The following ARFIP1 variants were observed in gnomAD, a reference collection of about 807,000 sequenced individuals.
The protein encoded by ARFIP1 is arfaptin-1.
Under a neutral mutation model 42.5 loss-of-function variants are expected in ARFIP1, and 24 were observed. That is an observed-to-expected ratio of 0.57 (90% CI 0.41 to 0.80). The LOEUF (loss-of-function observed/expected upper bound fraction) is 0.80. Ranked by LOEUF, ARFIP1 falls within the 30% of genes least tolerant of loss-of-function variation. The pLI, the probability that ARFIP1 is intolerant of heterozygous loss-of-function variation, is 0.00. For missense variants in ARFIP1, 354 were observed against 434.0 expected (o/e 0.82, Z 1.64); for synonymous variants, 141 against 153.7 (o/e 0.92, Z 0.61).
rs1178397930 is a variant in ARFIP1 at position 152,910,516 on chromosome 4, C to A, written c.*297C>A. ...TGAAAACATCTAATAGAGATTTGCA[C>A]TGACAAGATAAAAATTCAAGGTTTT... is the stretch of plus-strand genomic sequence containing the variant. On this transcript the variant is annotated 3_prime_UTR_variant, in exon 9 of 9. Coordinates refer to ENST00000353617, the MANE Select transcript of ARFIP1 (RefSeq NM_001025595.3). The A allele has an allele frequency of 4.9e-6, 1 of 205,298 alleles. No individual in the cohort carries two copies. Among genetic ancestry groups the A allele is most frequent in the Non-Finnish European group, 9.6e-6 (1 of 103,640 alleles). The allele number at this position is 205,298 out of a possible 1,614,324, so 12.7% of individuals were successfully genotyped here.
chr4:152,822,619 C>T (rs1730479611), intron 1 of ARFIP1, among the ~76,000 whole-genome samples: 1 of 152,206 alleles, frequency 6.6e-6, no homozygotes, highest in South Asian at 2.1e-4. Flanking sequence ...ACATGATTCT[C>T]ATCAGCACAC....
At chr4:152,780,530 G>C (rs1023028522) in intron 1 of ARFIP1, among the ~76,000 whole-genome samples, 2 of 152,144 alleles carry the variant, frequency 1.3e-5, no homozygotes, top group African/African-American at 4.8e-5. Flanking sequence ...TCCAGAATCC[G>C]GACCTTTCTT....
At chr4:152,824,531 A>C (rs942686465) in intron 1 of ARFIP1, among the ~76,000 whole-genome samples, 1 of 152,324 alleles carries the variant, frequency 6.6e-6, no homozygotes, top group South Asian at 2.1e-4. Flanking sequence ...TAGGCATAGA[A>C]GGAACATACC....
intron 2 of ARFIP1, among the ~76,000 whole-genome samples, chr4:152,835,293 G>A (rs1352885753): frequency 6.6e-6 from 1 of 152,130 alleles, no homozygotes; most frequent in Non-Finnish European, 1.5e-5. Context: ...CCAATCTTAG[G>A]CTGTTAGAGG....
At position 152,829,661 on chromosome 4, in the gene ARFIP1, G is replaced by A. The variant is rs1157174369; in HGVS notation, c.28G>A (p.Ala10Thr). 6.2e-7 allele frequency: 1 copy of A among 1,611,916 alleles called. No individual in the cohort carries two copies. Among genetic ancestry groups the A allele is most frequent in the Admixed American group, 1.7e-5 (1 of 59,922 alleles). The change falls in exon 2 of 9, where the codon GCA becomes ACA. Residue 10 changes from alanine to threonine, a missense_variant. Physicochemically the swap from Ala to Thr is moderately conservative, Grantham distance 58. Coordinates refer to ENST00000353617, the MANE Select transcript of ARFIP1 (RefSeq NM_001025595.3). The stretch of plus-strand genomic sequence containing the variant: ...GGCTCAAGAATCTCCCAAAAATTCA[G>A]CAGCAGAAATTCCAGTGACTAGTAA... Reference protein sequence around the residue: MAQESPKNSAAEIPVTSNGE... With the variant: MAQESPKNSTAEIPVTSNGE...
chr4:152,905,546 T>TTTTTTTTTTTTG (rs1738260993), intron 8 of ARFIP1, among the ~76,000 whole-genome samples: 1 of 79,568 alleles, frequency 1.3e-5, no homozygotes, highest in Non-Finnish European at 2.5e-5. Context: ...GTAAGAATTG[T>TTTTTTTTTTTTG]TTTTTTTTTT....
intron 8 of ARFIP1, among the ~76,000 whole-genome samples, chr4:152,897,475 G>A (rs936821740): frequency 6.6e-6 from 1 of 152,080 alleles, no homozygotes; most frequent in African/African-American, 2.4e-5. Flanking sequence ...CAATCATAAG[G>A]TACTTACATA....
chr4:152,799,965 TTGA>T (rs1471674497), intron 1 of ARFIP1, among the ~76,000 whole-genome samples: 2 of 152,174 alleles, frequency 1.3e-5, no homozygotes, highest in African/African-American at 2.4e-5. Flanking sequence ...TGCCAAGCAA[TTGA>T]TTGTTCATAC....
In ARFIP1 at chr4:152,872,535, G is replaced by T; in HGVS notation, c.382G>T (p.Val128Phe). ...KNPAMEKLEL[V>F]RKWSLNTYKC... is the part of the protein sequence containing the mutation. ...TCCTGCAATGGAAAAGTTAGAACTTGTTAGAAAATGGAGTCTAAACACCTA... is the reference window on the plus strand; with the variant it reads ...TCCTGCAATGGAAAAGTTAGAACTTTTTAGAAAATGGAGTCTAAACACCTA... Residue 128 changes from valine to phenylalanine, a missense_variant, in exon 5 of 9, where the codon GTT becomes TTT. Transcript: ENST00000353617. The T allele has an allele frequency of 6.2e-7, 1 of 1,607,388 alleles. No homozygotes were observed. Among genetic ancestry groups the T allele is most frequent in the Non-Finnish European group, 8.5e-7 (1 of 1,175,760 alleles).
Position 152,863,626 on chromosome 4 carries a change from A to G in ARFIP1, c.114A>G (p.Pro38=), listed in dbSNP as rs1241016017. ...SFNRDLKHSL[P]SGLGLSETQI... ...CTAAGGATTTGAAGCATTCATTACCATCTGGACTTGGTCTCTCAGAAACCC... is the reference window on the plus strand; with the variant it reads ...CTAAGGATTTGAAGCATTCATTACCGTCTGGACTTGGTCTCTCAGAAACCC... Residue 38 remains proline, a synonymous_variant, in exon 3 of 9, where the codon CCA becomes CCG. Transcript: ENST00000353617. 3.1e-6 allele frequency: 5 copies of G among 1,603,318 alleles called. No individual in the cohort carries two copies. The highest frequency in any genetic ancestry group is 1.1e-5 in the South Asian group (1 of 90,746).
intron 1 of ARFIP1, among the ~76,000 whole-genome samples, chr4:152,803,122 CT>C (rs1728553351): frequency 1.3e-5 from 2 of 152,044 alleles, no homozygotes; most frequent in Non-Finnish European, 2.9e-5. Context: ...GAGGGGGAGA[CT>C]ATGGTATGAG....
At chr4:152,808,207 C>T (rs1228157646) in intron 1 of ARFIP1, among the ~76,000 whole-genome samples, 2 of 149,700 alleles carry the variant, frequency 1.3e-5, no homozygotes, top group African/African-American at 4.9e-5. Context: ...CTTGAACTCC[C>T]GACCTCAGGT....
intron 2 of ARFIP1, among the ~76,000 whole-genome samples, chr4:152,849,048 A>G (rs896723457): frequency 1.3e-5 from 2 of 152,220 alleles, no homozygotes; most frequent in African/African-American, 4.8e-5. Context: ...ATACAAATCT[A>G]GATTCATTTT....
intron 2 of ARFIP1, among the ~76,000 whole-genome samples, chr4:152,862,126 C>T (rs1267840516): frequency 6.6e-6 from 1 of 152,152 alleles, no homozygotes; most frequent in Non-Finnish European, 1.5e-5. Flanking sequence ...CCATGGTAGC[C>T]TAGTTGCTGG....
At chr4:152,841,703 C>T (rs924227615) in intron 2 of ARFIP1, among the ~76,000 whole-genome samples, 11 of 152,038 alleles carry the variant, frequency 7.2e-5, no homozygotes, top group East Asian at 1.9e-4. Flanking sequence ...CTTGAGGAGG[C>T]GAAAGATAGG....
chr4:152,807,643 G>A (rs1465990755), intron 1 of ARFIP1, among the ~76,000 whole-genome samples: 2 of 150,796 alleles, frequency 1.3e-5, no homozygotes, highest in African/African-American at 4.9e-5. Context: ...TTATTTATAT[G>A]TCTTTGCTGT....
intron 2 of ARFIP1, among the ~76,000 whole-genome samples, chr4:152,836,738 TC>T (rs1352770638): frequency 3.3e-5 from 5 of 152,230 alleles, no homozygotes; most frequent in Non-Finnish European, 5.9e-5. Context: ...CAAATTTTTT[TC>T]CCCTTCCTCT....
At chr4:152,821,811 A>T (rs1730390952) in intron 1 of ARFIP1, among the ~76,000 whole-genome samples, 1 of 152,232 alleles carries the variant, frequency 6.6e-6, no homozygotes, top group Admixed American at 6.5e-5. Context: ...CTTATAAGCC[A>T]GAAGGGATTG....
intron 2 of ARFIP1, among the ~76,000 whole-genome samples, chr4:152,854,979 G>A (rs1733304021): frequency 6.6e-6 from 1 of 152,242 alleles, no homozygotes; most frequent in African/African-American, 2.4e-5. Context: ...AGTGGGCCAG[G>A]CAGGTGGGCA....
Sources: gnomAD v4.1 joint callset for allele counts (sites outside exome capture counted in the v4.1 genomes callset) on GRCh38, gnomAD v4.1.1 for gene constraint, MANE v1.5 for transcripts, NCBI Gene and HGNC (gene_info 2026-07-23, HGNC 2026-07-21) for gene names.